Variants in TJP1 observed in about 807,000 individuals in gnomAD.
The protein encoded by TJP1 is tight junction protein 1.
A neutral mutation model predicts 194.2 loss-of-function variants in TJP1; 43 were observed. That is an observed-to-expected ratio of 0.22 (90% CI 0.17 to 0.29). TJP1 has a LOEUF of 0.29. Ranked by LOEUF, TJP1 falls within the 10% of genes least tolerant of loss-of-function variation. The pLI is 1.00. For synonymous variants in TJP1, 801 were observed against 779.0 expected (o/e 1.03, Z -0.47); for missense variants, 1,971 against 2,185.7 (o/e 0.90, Z 1.96).
chr15:29,936,931 CCTTT>C (rs2054903855), intron 2 of TJP1, among the ~76,000 whole-genome samples: 1 of 152,160 alleles, frequency 6.6e-6, no homozygotes, highest in African/African-American at 2.4e-5. Context: ...TTTCTTGTTT[CCTTT>C]CATTTCCTTC....
At chr15:29,870,133 C>T (rs2052462191) in intron 2 of TJP1, among the ~76,000 whole-genome samples, 1 of 149,044 alleles carries the variant, frequency 6.7e-6, no homozygotes, top group Non-Finnish European at 1.5e-5. Flanking sequence ...AGCCACTGTG[C>T]CTGTCCCTTT....
chr15:29,841,220 G>A (rs574834051), intron 2 of TJP1, among the ~76,000 whole-genome samples: 22 of 152,288 alleles, frequency 1.4e-4, no homozygotes, highest in Middle Eastern at 3.4e-3. Flanking sequence ...TAGGGTTCAA[G>A]CTGAAACCCC....
At chr15:29,957,513 G>A (rs935816488) in intron 1 of TJP1, among the ~76,000 whole-genome samples, 1 of 152,014 alleles carries the variant, frequency 6.6e-6, no homozygotes, top group African/African-American at 2.4e-5. Flanking sequence ...TTACCAAATT[G>A]TGTGTATTGT....
chr15:29,819,582 A>G (rs1283915395), intron 1 of TJP1, among the ~76,000 whole-genome samples: 1 of 152,196 alleles, frequency 6.6e-6, no homozygotes, highest in Non-Finnish European at 1.5e-5. Flanking sequence ...ATTTCTAACA[A>G]GTTTCCTGAT....
intron 2 of TJP1, among the ~76,000 whole-genome samples, chr15:29,798,894 T>A (rs2048591855): frequency 6.6e-6 from 1 of 152,218 alleles, no homozygotes; most frequent in African/African-American, 2.4e-5. Flanking sequence ...GTGTAAGAAG[T>A]CAGCCTCAAA....
chr15:29,935,446 G>A (rs1049158662), intron 2 of TJP1, among the ~76,000 whole-genome samples: 1 of 152,014 alleles, frequency 6.6e-6, no homozygotes, highest in Non-Finnish European at 1.5e-5. Flanking sequence ...AAATGTCGCC[G>A]GAGCAGCATG....
At chr15:29,961,674 C>T (rs1045937230) in intron 1 of TJP1, among the ~76,000 whole-genome samples, 20 of 152,272 alleles carry the variant, frequency 1.3e-4, no homozygotes, top group African/African-American at 4.3e-4. Flanking sequence ...TGAACACAGA[C>T]CACAGGCCTG....
intron 2 of TJP1, among the ~76,000 whole-genome samples, chr15:29,860,655 C>T (rs1596125978): frequency 6.6e-6 from 1 of 152,044 alleles, no homozygotes; most frequent in Middle Eastern, 3.4e-3. Context: ...ATGGATATAC[C>T]ACATTTTGTT....
intron 8 of TJP1, among the ~76,000 whole-genome samples, chr15:29,755,886 T>C (rs2045612430): frequency 2.0e-5 from 3 of 152,120 alleles, no homozygotes; most frequent in South Asian, 4.1e-4. Flanking sequence ...TTTACTGTAA[T>C]AGAATTTTTT....
chr15:29,721,605 A>G (rs1344673053), intron 18 of TJP1, among the ~76,000 whole-genome samples: 1 of 152,226 alleles, frequency 6.6e-6, no homozygotes, highest in Non-Finnish European at 1.5e-5. Flanking sequence ...GGGCATTGCC[A>G]AAAAGATACC....
At chr15:29,740,024 G>T (rs1595709296) in intron 10 of TJP1, among the ~76,000 whole-genome samples, 1 of 151,142 alleles carries the variant, frequency 6.6e-6, no homozygotes, top group East Asian at 2.0e-4. Flanking sequence ...GTCTCGCTCT[G>T]TCACCCAGGC....
At chr15:29,957,686 C>T (rs987456160) in intron 1 of TJP1, among the ~76,000 whole-genome samples, 4 of 152,126 alleles carry the variant, frequency 2.6e-5, no homozygotes, top group Non-Finnish European at 5.9e-5. Flanking sequence ...GTTTGTTTTC[C>T]TATGTTTGTT....
At chr15:29,856,065 T>A (rs1275698817) in intron 2 of TJP1, among the ~76,000 whole-genome samples, 1 of 152,144 alleles carries the variant, frequency 6.6e-6, no homozygotes, top group Non-Finnish European at 1.5e-5. Context: ...ACAGCACAAC[T>A]GTGCTTCAGC....
intron 2 of TJP1, among the ~76,000 whole-genome samples, chr15:29,876,071 A>G (rs2052687588): frequency 6.6e-6 from 1 of 152,196 alleles, no homozygotes; most frequent in Admixed American, 6.5e-5. Context: ...CAAATAACCC[A>G]TAGTCTCATG....
intron 1 of TJP1, among the ~76,000 whole-genome samples, chr15:29,807,275 A>G (rs952572392): frequency 3.3e-5 from 5 of 152,242 alleles, no homozygotes; most frequent in Admixed American, 3.3e-4. Context: ...AAGCTGCTAC[A>G]TTAGCTATAA....
chr15:29,718,289 C>T lies in TJP1; in HGVS notation c.3853G>A (p.Val1285Ile), dbSNP rs368441667. The change falls in exon 21 of 28, where the codon GTA becomes ATA. Residue 1285 changes from valine (V) to isoleucine (I), a missense_variant. This residue lies in a region of TJP1 where 1,108 missense variants were observed against 1,128.5 expected (regional missense o/e 0.98). Coordinates refer to ENST00000614355, the MANE Select transcript of TJP1 (RefSeq NM_001330239.4). ...RSASLETKKDVNDTGSFKPPE... is the reference protein window; with the variant it reads ...RSASLETKKDINDTGSFKPPE... ...ACCTTAAAACTGCCAGTGTCATTTA[C>T]ATCCTTCTTGGTCTCTAAGGATGCA... is the stretch of plus-strand genomic sequence containing the variant. The T allele has an allele frequency of 7.1e-5, 114 of 1,613,524 alleles. No homozygotes were observed. Among genetic ancestry groups the T allele is most frequent in the Non-Finnish European group, 8.8e-5 (104 of 1,179,838 alleles).
intron 3 of TJP1, 43 bp from the exon 4 acceptor site, chr15:29,772,209 T>C (rs1325526178): frequency 3.3e-6 from 4 of 1,222,248 alleles, no homozygotes. Context: ...GAGAAAAACA[T>C]TCTGGTAAGT....
chr15:29,779,993 GAA>G (rs200746688), intron 2 of TJP1, among the ~76,000 whole-genome samples: 1 of 124,834 alleles, frequency 8.0e-6, no homozygotes. Flanking sequence ...CCTCCCGAAG[GAA>G]AAAAAAAAAA....
At chr15:29,817,491 C>G (rs1437985090) in intron 1 of TJP1, among the ~76,000 whole-genome samples, 2 of 152,114 alleles carry the variant, frequency 1.3e-5, no homozygotes, top group Admixed American at 6.5e-5. Context: ...GGTATATACT[C>G]AAAGGAATAT....
Sources: gnomAD v4.1 joint callset for allele counts (sites outside exome capture counted in the v4.1 genomes callset) on GRCh38, gnomAD v4.1.1 for gene constraint, gnomAD v4.1.1 regional missense constraint, MANE v1.5 for transcripts, NCBI Gene and HGNC (gene_info 2026-07-23, HGNC 2026-07-21) for gene names.